Variants in CADPS2 observed in about 807,000 individuals in gnomAD.
The protein encoded by CADPS2 is calcium dependent secretion activator 2.
Under a neutral mutation model 172.5 loss-of-function variants are expected in CADPS2, and 93 were observed. The observed-to-expected ratio is 0.54, with a 90% CI of 0.46 to 0.64. The LOEUF (loss-of-function observed/expected upper bound fraction) is 0.64. Ranked by LOEUF, CADPS2 falls within the 30% of genes least tolerant of loss-of-function variation. The pLI, the probability that CADPS2 is intolerant of heterozygous loss-of-function variation, is 0.00. For synonymous variants in CADPS2, 546 were observed against 555.2 expected (o/e 0.98, Z 0.23); for missense variants, 1,420 against 1,565.9 (o/e 0.91, Z 1.57).
Position 122,886,229 on chromosome 7 carries a change from T to C in CADPS2, c.109A>G (p.Thr37Ala), listed in dbSNP as rs888616902. The C allele has an allele frequency of 4.7e-6, 7 of 1,480,004 alleles. No homozygotes were observed. The African/African-American group carries it at 9.0e-5, about 19-fold the overall frequency. 91.7% of individuals were successfully genotyped at this position (1,480,004 alleles called of 1,614,324 possible). A position where few individuals can be genotyped will look rare whatever the true frequency, so the allele number is the denominator to read the frequency against. ...GSSQRAPPAPTREGRRDAPGR... is the reference protein window; with the variant it reads ...GSSQRAPPAPAREGRRDAPGR... ...GGCGCGTCCCGCCGCCCTTCCCGAG[T>C]CGGGGCTGGAGGAGCTCGCTGCGAG... Residue 37 changes from threonine to alanine, a missense_variant, in exon 1 of 30, where the codon ACT (threonine) becomes GCT (alanine). Physicochemically the swap from Thr to Ala is moderately conservative, Grantham distance 58 (BLOSUM62 0). Transcript: ENST00000449022.
chr7:122,819,642 A>G (rs1043667721), intron 1 of CADPS2, among the ~76,000 whole-genome samples: 4 of 151,472 alleles, frequency 2.6e-5, no homozygotes, highest in African/African-American at 9.7e-5. Flanking sequence ...TCTTTTAAGC[A>G]CTCCTTTTTA....
intron 23 of CADPS2, among the ~76,000 whole-genome samples, chr7:122,388,056 T>C (rs2043902347): frequency 6.6e-6 from 1 of 152,098 alleles, no homozygotes; most frequent in Admixed American, 6.6e-5. Context: ...AAAGCACATT[T>C]GGAAGAATAT....
At chr7:122,760,009 C>A (rs1458342390) in intron 1 of CADPS2, among the ~76,000 whole-genome samples, 3 of 151,652 alleles carry the variant, frequency 2.0e-5, no homozygotes, top group Non-Finnish European at 4.4e-5. Flanking sequence ...TATACACACA[C>A]ACACACGGCA....
At chr7:122,841,416 G>T (rs973839054) in intron 1 of CADPS2, among the ~76,000 whole-genome samples, 2 of 152,102 alleles carry the variant, frequency 1.3e-5, no homozygotes, top group African/African-American at 4.8e-5. Context: ...ATATCACCAA[G>T]CCAAAAGATT....
In CADPS2 at chr7:122,734,388, A is replaced by AAAAAAAAAAAAAAAAAAAAAAG. The variant is rs2091976264; in HGVS notation, c.453+2566_453+2567insCTTTTTTTTTTTTTTTTTTTTT. ...AAAAAAAAAAAAAAAAAAAAAAAAG[A>AAAAAAAAAAAAAAAAAAAAAAG]AAAAAAAAAAAGAAAATCTGGATTC... On this transcript the variant is annotated intron_variant, in intron 2 of 29. Transcript: ENST00000449022. 3.7e-4 allele frequency among the ~76,000 whole-genome samples: 21 copies of AAAAAAAAAAAAAAAAAAAAAAG among 57,524 alleles called. 1 individual carries two copies. Among genetic ancestry groups the AAAAAAAAAAAAAAAAAAAAAAG allele is most frequent in the Non-Finnish European group, 4.2e-4 (11 of 26,136 alleles). 37.7% of individuals were successfully genotyped at this position (57,524 alleles called of 152,430 possible).
intron 1 of CADPS2, among the ~76,000 whole-genome samples, chr7:122,787,361 G>A (rs1439167605): frequency 6.6e-6 from 1 of 152,122 alleles, no homozygotes; most frequent in South Asian, 2.1e-4. Context: ...AGAAACCACA[G>A]GTCTACCAGC....
At chr7:122,704,176 A>G (rs1378383894) in intron 2 of CADPS2, among the ~76,000 whole-genome samples, 6 of 152,096 alleles carry the variant, frequency 3.9e-5, no homozygotes, top group African/African-American at 1.4e-4. Context: ...TCATTTGGAC[A>G]AAAGCATTTA....
chr7:122,757,127 T>C (rs1275583458), intron 1 of CADPS2, among the ~76,000 whole-genome samples: 2 of 151,856 alleles, frequency 1.3e-5, no homozygotes, highest in African/African-American at 4.8e-5. Flanking sequence ...AATGCTGGTC[T>C]TCTTCTGTTA....
At chr7:122,454,455 C>T (rs562157759) in intron 14 of CADPS2, among the ~76,000 whole-genome samples, 1 of 152,090 alleles carries the variant, frequency 6.6e-6, no homozygotes, top group Admixed American at 6.6e-5. Context: ...AAAATAATAA[C>T]GAGCAATAGA....
At chr7:122,721,450 A>G (rs2090386230) in intron 2 of CADPS2, among the ~76,000 whole-genome samples, 1 of 152,182 alleles carries the variant, frequency 6.6e-6, no homozygotes, top group Non-Finnish European at 1.5e-5. Context: ...AGAAATGGAT[A>G]AATTCCTCAA....
intron 17 of CADPS2, among the ~76,000 whole-genome samples, chr7:122,416,416 C>A (rs1421780834): frequency 6.6e-6 from 1 of 152,098 alleles, no homozygotes; most frequent in Non-Finnish European, 1.5e-5. Flanking sequence ...ACATTAGATG[C>A]TCAACTTCTG....
intron 1 of CADPS2, among the ~76,000 whole-genome samples, chr7:122,811,070 G>A (rs1352793805): frequency 1.3e-5 from 2 of 152,138 alleles, no homozygotes; most frequent in Admixed American, 6.5e-5. Flanking sequence ...CATGGAATGA[G>A]GGAAGAAAAG....
At chr7:122,683,745 G>GA (rs5887112) in intron 2 of CADPS2, among the ~76,000 whole-genome samples, 99,749 of 149,276 alleles carry the variant, frequency 0.67, 33,913 homozygotes, top group Middle Eastern at 0.84. Context: ...TGTTAATGAA[G>GA]AAAAAAAAAA....
rs533461644 is a variant in CADPS2, at chr7:122,522,575, T to A, written c.1476-9260A>T. On this transcript the variant is annotated intron_variant, in intron 8 of 29. Coordinates refer to ENST00000449022, the MANE Select transcript of CADPS2 (RefSeq NM_017954.11). ...TTCTTTGTAGTGGGAACATTTCAAA[T>A]CTTCTCTTCTAGCTATTTAAAAACA... 9.9e-5 allele frequency among the ~76,000 whole-genome samples: 15 copies of A among 152,280 alleles called. No individual in the cohort carries two copies. In the East Asian group the frequency reaches 2.7e-3, roughly 27 times the overall value.
intron 2 of CADPS2, among the ~76,000 whole-genome samples, chr7:122,733,084 G>A (rs1265130255): frequency 6.6e-6 from 1 of 151,368 alleles, no homozygotes; most frequent in East Asian, 1.9e-4. Flanking sequence ...TTCAAATGAT[G>A]TAAGAAGCCA....
At chr7:122,800,721 G>C (rs1181754751) in intron 1 of CADPS2, among the ~76,000 whole-genome samples, 3 of 152,150 alleles carry the variant, frequency 2.0e-5, no homozygotes, top group African/African-American at 4.8e-5. Context: ...GGGTGTGGTG[G>C]CTCACGTCTG....
At chr7:122,425,113 A>C (rs1401497479) in intron 17 of CADPS2, among the ~76,000 whole-genome samples, 1 of 151,934 alleles carries the variant, frequency 6.6e-6, no homozygotes, top group Non-Finnish European at 1.5e-5. Flanking sequence ...CAGCCTCCTA[A>C]GTAGCTGGAG....
chr7:122,643,218 C>T (rs577414782), intron 3 of CADPS2, among the ~76,000 whole-genome samples: 3 of 152,250 alleles, frequency 2.0e-5, no homozygotes, highest in East Asian at 1.9e-4. Flanking sequence ...TTTTGCAACA[C>T]GGCCTCAAAA....
intron 9 of CADPS2, among the ~76,000 whole-genome samples, chr7:122,507,920 T>G (rs2130699738): frequency 6.6e-6 from 1 of 152,294 alleles, no homozygotes; most frequent in East Asian, 1.9e-4. Context: ...GGTTTTGATT[T>G]AAGTATGTTC....
Sources: gnomAD v4.1 joint callset for allele counts (sites outside exome capture counted in the v4.1 genomes callset) on GRCh38, gnomAD v4.1.1 for gene constraint, MANE v1.5 for transcripts, NCBI Gene and HGNC (gene_info 2026-07-23, HGNC 2026-07-21) for gene names.